Variants in LATS2 observed in about 807,000 individuals in gnomAD.
The protein encoded by LATS2 is large tumor suppressor kinase 2, also known as serine/threonine-protein kinase LATS2.
A neutral mutation model predicts 76.0 loss-of-function variants in LATS2; 24 were observed. That is an observed-to-expected ratio of 0.32 (90% confidence interval 0.23 to 0.44). The LOEUF (loss-of-function observed/expected upper bound fraction) is 0.44, where lower values mean the gene tolerates loss of function less well. LATS2 is among the 20% of genes least tolerant of loss of function. LATS2 has a pLI of 1.00. For synonymous variants in LATS2, 692 were observed against 635.4 expected (o/e 1.09, Z -1.34); for missense variants, 1,286 against 1,481.2 (o/e 0.87, Z 2.16).
At chr13:21,018,357 C>CTACT (rs1270646536) in intron 2 of LATS2, among the ~76,000 whole-genome samples, 11 of 151,922 alleles carry the variant, frequency 7.2e-5, no homozygotes, top group African/African-American at 2.7e-4. Flanking sequence ...GAGGGGCATG[C>CTACT]TACTGTCCAT....
chr13:21,036,430 G>A (rs1872684900), intron 2 of LATS2, among the ~76,000 whole-genome samples: 1 of 152,106 alleles, frequency 6.6e-6, no homozygotes, highest in South Asian at 2.1e-4. Context: ...ACTTAAAAGT[G>A]GAGAACTATT....
intron 2 of LATS2, among the ~76,000 whole-genome samples, chr13:21,037,339 G>T (rs185915620): frequency 6.6e-6 from 1 of 152,310 alleles, no homozygotes; most frequent in East Asian, 1.9e-4. Flanking sequence ...CAGAGGGGGA[G>T]GTTGCAGTAA....
At chr13:21,007,573 A>T (rs796158489) in intron 2 of LATS2, among the ~76,000 whole-genome samples, 1 of 19,108 alleles carries the variant, frequency 5.2e-5, no homozygotes, top group Non-Finnish European at 7.0e-5. Context: ...ATATATATAT[A>T]TATATATATA....
intron 2 of LATS2, among the ~76,000 whole-genome samples, chr13:21,041,719 A>G (rs570902762): frequency 1.3e-4 from 20 of 152,164 alleles, no homozygotes; most frequent in African/African-American, 4.6e-4. Flanking sequence ...AAGTTCTCAC[A>G]TAAGTCTTCC....
chr13:21,015,762 C>T (rs1348095997), intron 2 of LATS2, among the ~76,000 whole-genome samples: 3 of 150,704 alleles, frequency 2.0e-5, no homozygotes, highest in Admixed American at 6.6e-5. Context: ...TGCAATGGCG[C>T]GACCTCTGCT....
chr13:21,007,580 TATATATA>T (rs1374747525), intron 2 of LATS2, among the ~76,000 whole-genome samples: 1 of 19,860 alleles, frequency 5.0e-5, no homozygotes, highest in East Asian at 3.5e-3. Context: ...TATATATATA[TATATATA>T]GTATATATAT....
At chr13:21,043,072 G>A (rs1373485676) in intron 2 of LATS2, among the ~76,000 whole-genome samples, 2 of 152,060 alleles carry the variant, frequency 1.3e-5, no homozygotes, top group Non-Finnish European at 2.9e-5. Flanking sequence ...GGTGACGCAC[G>A]CCTGTAATCC....
chr13:21,059,862 G>A (rs1595262992), intron 1 of LATS2, among the ~76,000 whole-genome samples: 2 of 151,384 alleles, frequency 1.3e-5, no homozygotes, highest in African/African-American at 4.9e-5. Flanking sequence ...CTACGTGGGA[G>A]GCTAAGGCAG....
intron 2 of LATS2, among the ~76,000 whole-genome samples, chr13:21,041,375 C>T (rs1219740977): frequency 3.9e-5 from 6 of 152,180 alleles, no homozygotes; most frequent in Admixed American, 2.6e-4. Context: ...TGACCACTGG[C>T]TGTCTTCTTT....
At chr13:20,985,029 C>T (rs924226159) in intron 4 of LATS2, among the ~76,000 whole-genome samples, 18 of 152,022 alleles carry the variant, frequency 1.2e-4, no homozygotes, top group Admixed American at 8.5e-4. Context: ...TTTTTGACAA[C>T]GGTGCCAAGA....
Position 20,983,633 on chromosome 13 carries a change from G to A in LATS2, c.2073C>T (p.His691=), listed in dbSNP as rs775335330. Residue 691 remains histidine (H), a synonymous_variant, in exon 5 of 8, where the codon CAC becomes CAT. Coordinates refer to ENST00000382592, the MANE Select transcript of LATS2 (RefSeq NM_014572.3). ...TTAGGGTCTTCATGGCGTACAGGGC[G>A]TGAGTGTCCACCTTACAAGCAAGGC... The part of the protein sequence containing the change: ...EVCLACKVDT[H]ALYAMKTLRK... 1.5e-5 allele frequency: 24 copies of A among 1,614,006 alleles called. 1 individual carries two copies. The highest frequency in any genetic ancestry group is 9.9e-5 in the South Asian group (9 of 91,088).
intron 2 of LATS2, among the ~76,000 whole-genome samples, chr13:21,010,536 CA>C (rs1274291974): frequency 6.6e-6 from 1 of 152,038 alleles, no homozygotes; most frequent in South Asian, 2.1e-4. Flanking sequence ...AACAAACAAA[CA>C]AAAAATCAAA....
At chr13:21,051,894 C>T (rs1873283992) in intron 1 of LATS2, among the ~76,000 whole-genome samples, 1 of 152,164 alleles carries the variant, frequency 6.6e-6, no homozygotes, top group Non-Finnish European at 1.5e-5. Flanking sequence ...GAAGTAGAGG[C>T]TGCAGTGAGT....
chr13:20,988,237 G>A lies in LATS2; in HGVS notation c.1543C>T (p.Pro515Ser). 6.2e-7 allele frequency: 1 copy of A among 1,605,076 alleles called. No individual in the cohort carries two copies. Among genetic ancestry groups the A allele is most frequent in the Non-Finnish European group, 8.5e-7 (1 of 1,179,172 alleles). ...AGCAGGTGCTTCGGGTAGGGCGGAG[G>A]CGGGCACCTCCGGTCTGGGCCTCCG... is the stretch of plus-strand genomic sequence containing the variant. The part of the protein sequence containing the change: ...EYGGPDRRCP[P>S]PPYPKHLLLR... Residue 515 changes from proline (P) to serine (S), a missense_variant, in exon 4 of 8, where the codon CCT (proline) becomes TCT (serine). This residue lies in a region of LATS2 where 710 missense variants were observed against 660.9 expected (regional missense o/e 1.07). Coordinates refer to ENST00000382592, the MANE Select transcript of LATS2 (RefSeq NM_014572.3).
chr13:21,007,201 A>G (rs2138329611), intron 2 of LATS2, among the ~76,000 whole-genome samples: 1 of 152,134 alleles, frequency 6.6e-6, no homozygotes, highest in South Asian at 2.1e-4. Context: ...TTTTTAAGTT[A>G]TATTTCCAAA....
chr13:21,001,280 T>C (rs1490270687), intron 2 of LATS2, among the ~76,000 whole-genome samples: 1 of 152,176 alleles, frequency 6.6e-6, no homozygotes, highest in African/African-American at 2.4e-5. Context: ...TACACACACA[T>C]GGCATGGTTT....
In LATS2 at chr13:20,974,894, T is replaced by A; in HGVS notation, c.3243A>T (p.Glu1081Asp). ...TCTACACGTACACAGGCTGGCAGCCTTCAGTCTGATCCACCAGATCAGAGC... is the reference window on the plus strand; with the variant it reads ...TCTACACGTACACAGGCTGGCAGCCATCAGTCTGATCCACCAGATCAGAGC... ...LESSDLVDQT[E>D]GCQPVYV Residue 1081 changes from glutamate (E) to aspartate (D), a missense_variant, in exon 8 of 8, where the codon GAA becomes GAT. Physicochemically the swap from Glu to Asp is conservative, Grantham distance 45. This residue lies in a region of LATS2 where 210 missense variants were observed against 234.9 expected (regional missense o/e 0.89). Transcript: ENST00000382592. The A allele has an allele frequency of 6.2e-7, 1 of 1,613,494 alleles. No homozygotes were observed. The highest frequency in any genetic ancestry group is 8.5e-7 in the Non-Finnish European group (1 of 1,179,766).
At chr13:21,051,966 G>C (rs1873286068) in intron 1 of LATS2, among the ~76,000 whole-genome samples, 1 of 152,134 alleles carries the variant, frequency 6.6e-6, no homozygotes, top group South Asian at 2.1e-4. Flanking sequence ...AAAAAGCACA[G>C]GGAGGGGAAG....
intron 2 of LATS2, among the ~76,000 whole-genome samples, chr13:21,023,695 C>T (rs963042701): frequency 2.8e-5 from 4 of 140,452 alleles, no homozygotes; most frequent in Admixed American, 1.5e-4. Context: ...AAACCTCGGC[C>T]GGGCGCAGTG....
Sources: gnomAD v4.1 joint callset for allele counts (sites outside exome capture counted in the v4.1 genomes callset) on GRCh38, gnomAD v4.1.1 for gene constraint, gnomAD v4.1.1 regional missense constraint, MANE v1.5 for transcripts, NCBI Gene and HGNC (gene_info 2026-07-23, HGNC 2026-07-21) for gene names.